IFT80: variants seen among roughly 807,000 people sequenced by gnomAD.
IFT80 encodes the protein intraflagellar transport protein 80 homolog.
In IFT80, 79 loss-of-function variants were observed where a neutral mutation model predicts 107.9. That is an observed-to-expected ratio of 0.73 (90% CI 0.61 to 0.88). The LOEUF (loss-of-function observed/expected upper bound fraction) is 0.88, where lower values mean the gene tolerates loss of function less well. Ranked by LOEUF, IFT80 falls within the 40% of genes least tolerant of loss-of-function variation. IFT80 has a pLI of 0.00. For missense variants in IFT80, 797 were observed against 914.2 expected, an observed-to-expected ratio of 0.87 and a Z score of 1.65; for synonymous variants, 299 against 300.9, an observed-to-expected ratio of 0.99 and a Z score of 0.07.
chr3:160,279,717 A>G (rs182461782), intron 15 of IFT80, among the ~76,000 whole-genome samples: 1 of 152,328 alleles, frequency 6.6e-6, no homozygotes, highest in Non-Finnish European at 1.5e-5. Context: ...ATATAGCTTT[A>G]GCTTTTAAAA....
intron 9 of IFT80, among the ~76,000 whole-genome samples, chr3:160,313,571 C>G (rs1476039873): frequency 2.0e-5 from 3 of 150,972 alleles, no homozygotes; most frequent in Non-Finnish European, 4.4e-5. Context: ...AGTTTCAAAA[C>G]TATGGCAAAT....
At chr3:160,370,082 G>A (rs1722128153) in intron 5 of IFT80, among the ~76,000 whole-genome samples, 1 of 152,056 alleles carries the variant, frequency 6.6e-6, no homozygotes, top group Non-Finnish European at 1.5e-5. Flanking sequence ...TTGTTTTAAG[G>A]AAGTACATGG....
intron 18 of IFT80, among the ~76,000 whole-genome samples, chr3:160,270,698 A>G (rs1215643455): frequency 6.6e-6 from 1 of 152,210 alleles, no homozygotes; most frequent in Non-Finnish European, 1.5e-5. Context: ...GAGAAACAGA[A>G]GTAAAGATGC....
intron 8 of IFT80, among the ~76,000 whole-genome samples, chr3:160,323,774 A>G (rs553027290): frequency 1.3e-5 from 2 of 152,128 alleles, no homozygotes; most frequent in African/African-American, 2.4e-5. Flanking sequence ...AAATAACTAA[A>G]ATCAGAGCAG....
At chr3:160,343,849 A>G (rs1427550700) in intron 8 of IFT80, 3 of 285,316 alleles carry the variant, frequency 1.1e-5, no homozygotes, top group South Asian at 9.3e-5. Flanking sequence ...TTATTTATTG[A>G]TTTTCTTTAA....
At chr3:160,363,191 T>G (rs1001995602) in intron 6 of IFT80, among the ~76,000 whole-genome samples, 8 of 152,144 alleles carry the variant, frequency 5.3e-5, no homozygotes, top group Non-Finnish European at 1.2e-4. Context: ...AAAATCAGTA[T>G]GCAAAAATCA....
chr3:160,339,146 A>C (rs1236173716), intron 8 of IFT80, among the ~76,000 whole-genome samples: 1 of 152,188 alleles, frequency 6.6e-6, no homozygotes, highest in Non-Finnish European at 1.5e-5. Flanking sequence ...TATGTAAAAA[A>C]TTGAGCTGTA....
At chr3:160,261,823 G>T (rs1433508123) in intron 19 of IFT80, among the ~76,000 whole-genome samples, 1 of 150,988 alleles carries the variant, frequency 6.6e-6, no homozygotes, top group Non-Finnish European at 1.5e-5. Flanking sequence ...AAAAAAGGGG[G>T]ACCTGAAGGA....
chr3:160,276,682 G>C (rs1714290302), intron 18 of IFT80, among the ~76,000 whole-genome samples: 1 of 152,226 alleles, frequency 6.6e-6, no homozygotes, highest in Admixed American at 6.5e-5. Flanking sequence ...ATGTAAGGCT[G>C]TTGATTGCTG....
intron 1 of IFT80, among the ~76,000 whole-genome samples, chr3:160,386,432 T>C (rs757185530): frequency 7.9e-5 from 12 of 152,206 alleles, no homozygotes; most frequent in Non-Finnish European, 1.0e-4. Flanking sequence ...GGGGCAGGGG[T>C]TGGGTTTAGA....
At chr3:160,357,467 G>T in intron 7 of IFT80, 22 bp downstream of exon 7, 1 of 1,224,738 alleles carries the variant, frequency 8.2e-7, no homozygotes, top group Non-Finnish European at 1.2e-6. Context: ...TCAGCCAAGT[G>T]ATAAATCTAA....
Position 160,356,026 on chromosome 3 carries a change from C to T in IFT80, c.764G>A (p.Cys255Tyr), listed in dbSNP as rs1325257224. 1 of 1,614,044 alleles carries T rather than the reference C, an allele frequency of 6.2e-7. No homozygotes were observed. The highest frequency in any genetic ancestry group is 8.5e-7 in the Non-Finnish European group (1 of 1,179,934). Reference protein sequence around the residue: ...AVGSFHTLRLCDKTGWSYALE... With the variant: ...AVGSFHTLRLYDKTGWSYALE... The stretch of plus-strand genomic sequence containing the variant: ...ACTATAACTTACCCCAGTTTTATCA[C>T]ACAAGCGTAAAGTATGAAACGATCC... The change falls in exon 8 of 20, where the codon TGT becomes TAT. Residue 255 changes from cysteine (C) to tyrosine (Y), a missense_variant. Physicochemically the swap from Cys to Tyr is radical, Grantham distance 194 (BLOSUM62 -2). Coordinates refer to ENST00000326448, the MANE Select transcript of IFT80 (RefSeq NM_020800.3).
intron 9 of IFT80, among the ~76,000 whole-genome samples, chr3:160,319,000 A>G (rs1718013346): frequency 6.6e-6 from 1 of 151,842 alleles, no homozygotes; most frequent in Non-Finnish European, 1.5e-5. Flanking sequence ...GTCTTGCTAA[A>G]TTTCCCCCAG....
chr3:160,300,858 G>A, intron 12 of IFT80, 25 bp downstream of exon 12: 3 of 1,557,670 alleles, frequency 1.9e-6, no homozygotes, highest in African/African-American at 1.4e-5. Flanking sequence ...ATATTTGACA[G>A]GAAAAATTAT....
At chr3:160,395,453 C>A (rs748664511) in intron 1 of IFT80, among the ~76,000 whole-genome samples, 4 of 152,208 alleles carry the variant, frequency 2.6e-5, no homozygotes, top group African/African-American at 4.8e-5. Context: ...AAAAGAATTT[C>A]TCTTTGCAAC....
chr3:160,329,005 T>C (rs1576818173), intron 8 of IFT80, among the ~76,000 whole-genome samples: 1 of 149,930 alleles, frequency 6.7e-6, no homozygotes, highest in Admixed American at 6.7e-5. Context: ...GGGTGGAGGG[T>C]GGGAGGGAGG....
intron 9 of IFT80, among the ~76,000 whole-genome samples, chr3:160,312,620 AAT>A (rs1314555781): frequency 0.14 from 8,440 of 58,552 alleles, 1,174 homozygotes; most frequent in Non-Finnish European, 0.18. Context: ...ATAAATATAT[AAT>A]ATATATATAT....
At position 160,307,445 on chromosome 3, in the gene IFT80, C is replaced by T. The variant is rs113769710; in HGVS notation, c.1076+218G>A. On this transcript the variant is annotated intron_variant, in intron 10 of 19. Transcript: ENST00000326448. ...GTTACAAGCATGAGCCATTGCGCCT[C>T]GCTTGTCTATTAACTGTTGATGTAC... 1.7e-3 allele frequency among the ~76,000 whole-genome samples: 262 copies of T among 152,272 alleles called. 1 individual carries two copies. Among genetic ancestry groups the T allele is most frequent in the African/African-American group, 5.8e-3 (241 of 41,570 alleles).
At chr3:160,323,007 G>A (rs1251308531) in intron 8 of IFT80, among the ~76,000 whole-genome samples, 1 of 152,054 alleles carries the variant, frequency 6.6e-6, no homozygotes, top group African/African-American at 2.4e-5. Context: ...TCTAATGGTA[G>A]TTTCTTTTGC....
Sources: gnomAD v4.1 joint callset for allele counts (sites outside exome capture counted in the v4.1 genomes callset) on GRCh38, gnomAD v4.1.1 for gene constraint, MANE v1.5 for transcripts, NCBI Gene and HGNC (gene_info 2026-07-23, HGNC 2026-07-21) for gene names.